Variants in ZNRF1 observed in about 807,000 individuals in gnomAD.
The protein encoded by ZNRF1 is E3 ubiquitin-protein ligase ZNRF1.
ZNRF1 carries 3 observed loss-of-function variants against 18.4 expected under a neutral mutation model. The observed-to-expected ratio is 0.16, with a 90% confidence interval of 0.07 to 0.42. The LOEUF (loss-of-function observed/expected upper bound fraction) is 0.42. ZNRF1 is among the 10% of genes least tolerant of loss of function. The probability of loss-of-function intolerance (pLI) is 0.99; values close to 1 mark genes in which losing one functional copy is unlikely to be tolerated. For synonymous variants in ZNRF1, 157 were observed against 144.2 expected (o/e 1.09, Z -0.64); for missense variants, 310 against 329.8 (o/e 0.94, Z 0.47).
chr16:75,050,239 C>T (rs1193899508), intron 1 of ZNRF1, among the ~76,000 whole-genome samples: 1 of 152,044 alleles, frequency 6.6e-6, no homozygotes, highest in Non-Finnish European at 1.5e-5. Context: ...TTTTAAAATA[C>T]TTGTGCCCAG....
At chr16:75,012,863 T>C (rs1356528014) in intron 1 of ZNRF1, among the ~76,000 whole-genome samples, 1 of 152,194 alleles carries the variant, frequency 6.6e-6, no homozygotes, top group Non-Finnish European at 1.5e-5. Context: ...TTTCCTGGCT[T>C]TGTACTTTTC....
At chr16:75,095,945 C>A (rs1038835922) in intron 2 of ZNRF1, among the ~76,000 whole-genome samples, 4 of 152,144 alleles carry the variant, frequency 2.6e-5, no homozygotes, top group Non-Finnish European at 5.9e-5. Flanking sequence ...GGAGATTGGC[C>A]AGCCAGCCTG....
At position 74,999,871 on chromosome 16, in the gene ZNRF1, T is replaced by G; in HGVS notation, c.200T>G (p.Val67Gly). 1 of 1,520,666 alleles carries G rather than the reference T, an allele frequency of 6.6e-7. No individual in the cohort carries two copies. 94.2% of individuals were successfully genotyped at this position (1,520,666 alleles called of 1,614,324 possible). A position where few individuals can be genotyped will look rare whatever the true frequency, so the allele number is the denominator to read the frequency against. The change falls in exon 1 of 5, where the codon GTG becomes GGG. Residue 67 changes from valine (V) to glycine (G), a missense_variant. Coordinates refer to ENST00000335325, the MANE Select transcript of ZNRF1 (RefSeq NM_032268.5). ...ATGGACCCCAGCACGGCCGGGGGGG[T>G]GCCCTTTGGCCTCTACACCCCCGCC... ...MGMDPSTAGG[V>G]PFGLYTPASR...
At chr16:75,073,516 AT>A (rs572806559) in intron 1 of ZNRF1, among the ~76,000 whole-genome samples, 1 of 151,850 alleles carries the variant, frequency 6.6e-6, no homozygotes, top group Non-Finnish European at 1.5e-5. Flanking sequence ...TATTGGTTTA[AT>A]TTTTCATTTC....
intron 1 of ZNRF1, among the ~76,000 whole-genome samples, chr16:75,021,833 G>A (rs1173032732): frequency 6.6e-6 from 1 of 152,044 alleles, no homozygotes; most frequent in African/African-American, 2.4e-5. Flanking sequence ...ATTTGTCCTT[G>A]AATATCAAAT....
intron 1 of ZNRF1, among the ~76,000 whole-genome samples, chr16:75,083,967 C>T (rs140983924): frequency 2.4e-4 from 36 of 152,292 alleles, no homozygotes; most frequent in African/African-American, 4.3e-4. Context: ...TGGCTCAGCT[C>T]GGCACATTGA....
chr16:75,025,739 C>G (rs371518993), intron 1 of ZNRF1, among the ~76,000 whole-genome samples: 5 of 152,192 alleles, frequency 3.3e-5, no homozygotes, highest in East Asian at 1.9e-4. Context: ...ATGTGTCTAA[C>G]TTGTTTCAGA....
intron 1 of ZNRF1, among the ~76,000 whole-genome samples, chr16:75,050,968 G>T (rs547010004): frequency 8.6e-5 from 13 of 150,658 alleles, no homozygotes; most frequent in African/African-American, 3.2e-4. Flanking sequence ...TGAAGCAGGA[G>T]GATGGCTTGA....
intron 1 of ZNRF1, among the ~76,000 whole-genome samples, chr16:75,089,313 T>A (rs2036109572): frequency 6.6e-6 from 1 of 152,004 alleles, no homozygotes; most frequent in African/African-American, 2.4e-5. Context: ...CTCCCTGTGT[T>A]GTCCAGGCTG....
chr16:75,106,152 C>T lies in ZNRF1; in HGVS notation c.627-330C>T, dbSNP rs2036313649. The T allele has an allele frequency of 1.4e-5, 4 of 293,948 alleles. No homozygotes were observed. The South Asian group carries it at 1.8e-4, about 13-fold the overall frequency. 18.2% of individuals were successfully genotyped at this position (293,948 alleles called of 1,614,324 possible). A position where few individuals can be genotyped will look rare whatever the true frequency, so the allele number is the denominator to read the frequency against. ...TAGCTGCCCTGAGGGGTCCACCGCT[C>T]TCACCTTCTCACTGGTGGCTGCTGC... On this transcript the variant is annotated intron_variant, in intron 3 of 4. Coordinates refer to ENST00000335325, the MANE Select transcript of ZNRF1 (RefSeq NM_032268.5).
chr16:75,015,992 C>G (rs1425701200), intron 1 of ZNRF1, among the ~76,000 whole-genome samples: 1 of 149,814 alleles, frequency 6.7e-6, no homozygotes, highest in Non-Finnish European at 1.5e-5. Context: ...GCGATCTCCT[C>G]TCACTGCAAG....
intron 1 of ZNRF1, among the ~76,000 whole-genome samples, chr16:75,072,162 G>C (rs1177732995): frequency 6.6e-6 from 1 of 151,704 alleles, no homozygotes; most frequent in Non-Finnish European, 1.5e-5. Flanking sequence ...TTGTAGAAAT[G>C]GGTTTCACTG....
Position 75,014,503 on chromosome 16 carries a change from G to C in ZNRF1, c.424+14408G>C, listed in dbSNP as rs1017516098. On this transcript the variant is annotated intron_variant, in intron 1 of 4. Coordinates refer to ENST00000335325, the MANE Select transcript of ZNRF1 (RefSeq NM_032268.5). ...TTGCTATAGCACATTTATTTTCACAGCTATACTCTATTGATCTATTTATTG... is the reference window on the plus strand; with the variant it reads ...TTGCTATAGCACATTTATTTTCACACCTATACTCTATTGATCTATTTATTG... Among the ~76,000 whole-genome samples, 5 of 152,102 alleles carry C rather than the reference G, an allele frequency of 3.3e-5. No individual in the cohort carries two copies. In the South Asian group the frequency reaches 1.0e-3, roughly 32 times the overall value.
intron 1 of ZNRF1, among the ~76,000 whole-genome samples, chr16:75,090,997 C>T (rs1396248359): frequency 1.3e-5 from 2 of 152,076 alleles, no homozygotes; most frequent in Non-Finnish European, 2.9e-5. Context: ...GTGATTTCCC[C>T]ACCTTGGCCT....
chr16:75,066,365 G>T (rs1032810931), intron 1 of ZNRF1, among the ~76,000 whole-genome samples: 2 of 152,144 alleles, frequency 1.3e-5, no homozygotes, highest in Non-Finnish European at 2.9e-5. Context: ...GGGAAGACAT[G>T]ATTATCTCAT....
intron 1 of ZNRF1, among the ~76,000 whole-genome samples, chr16:75,046,119 G>C (rs2035512367): frequency 6.6e-6 from 1 of 151,488 alleles, no homozygotes; most frequent in African/African-American, 2.4e-5. Flanking sequence ...AACCAGGCTG[G>C]TCTCGAACTC....
At chr16:75,084,720 C>T in intron 1 of ZNRF1, 1 of 152,412 alleles carries the variant, frequency 6.6e-6, no homozygotes, top group Non-Finnish European at 1.5e-5. Flanking sequence ...AGATGCTCTG[C>T]CCTCACTGTT....
intron 1 of ZNRF1, among the ~76,000 whole-genome samples, chr16:75,059,250 T>C (rs1250354162): frequency 1.6e-4 from 22 of 136,702 alleles, no homozygotes; most frequent in Non-Finnish European, 2.7e-4. Flanking sequence ...TTTTTCTTTT[T>C]TTTTTTTTTT....
chr16:75,011,514 C>T (rs1276961604), intron 1 of ZNRF1, among the ~76,000 whole-genome samples: 1 of 152,128 alleles, frequency 6.6e-6, no homozygotes, highest in South Asian at 2.1e-4. Flanking sequence ...ACTGTGGGCA[C>T]ACGCCACCAT....
Sources: gnomAD v4.1 joint callset for allele counts (sites outside exome capture counted in the v4.1 genomes callset) on GRCh38, gnomAD v4.1.1 for gene constraint, MANE v1.5 for transcripts, NCBI Gene and HGNC (gene_info 2026-07-23, HGNC 2026-07-21) for gene names.